CHERP: variants seen among roughly 807,000 people sequenced by gnomAD.
The protein encoded by CHERP is ERPROT 213-21.
Under a neutral mutation model 113.8 loss-of-function variants are expected in CHERP, and 8 were observed. The observed-to-expected ratio is 0.07, with a 90% CI of 0.04 to 0.13. The LOEUF is 0.13. CHERP is among the 10% of genes least tolerant of loss of function. The pLI is 1.00. For missense variants in CHERP, 884 were observed against 1,298.2 expected, an observed-to-expected ratio of 0.68 and a Z score of 4.90; for synonymous variants, 559 against 524.5, an observed-to-expected ratio of 1.07 and a Z score of -0.90.
rs978551433 is a variant in CHERP, at chr19:16,532,084, T to A, written c.674+514A>T. The A allele has an allele frequency of 6.8e-6, 1 of 147,852 alleles. No individual in the cohort carries two copies. The highest frequency in any genetic ancestry group is 2.6e-5 in the African/African-American group (1 of 38,818). The allele number at this position is 147,852 out of a possible 1,614,324, so 9.2% of individuals were successfully genotyped here. A position where few individuals can be genotyped will look rare whatever the true frequency, so the allele number is the denominator to read the frequency against. ...AACAGTGGGAAGGGTGAGGGCTGGG[T>A]GGGGACAGAGGGTCGGCAGATGTGG... On this transcript the variant is annotated intron_variant, in intron 5 of 16. Coordinates refer to ENST00000546361, the MANE Select transcript of CHERP (RefSeq NM_006387.6). The surrounding 1 kb of genome is among the most constrained non-coding windows in gnomAD (Gnocchi z 4.4).
intron 2 of CHERP, among the ~76,000 whole-genome samples, chr19:16,539,530 G>A (rs957739691): frequency 6.6e-6 from 1 of 152,040 alleles, no homozygotes; most frequent in Admixed American, 6.6e-5. Context: ...TTTTGCTTAC[G>A]ATTTCAGGCA....
At chr19:16,521,832 C>T (rs763811968) in intron 11 of CHERP, among the ~76,000 whole-genome samples, 178 bp from the exon 12 acceptor site, 5 of 152,200 alleles carry the variant, frequency 3.3e-5, no homozygotes, top group Non-Finnish European at 5.9e-5. Flanking sequence ...ACCTCAGCCA[C>T]ACCAACCATG....
chr19:16,529,938 C>A, intron 7 of CHERP, 38 bp from the exon 8 acceptor site: 1 of 1,586,834 alleles, frequency 6.3e-7, no homozygotes, highest in Non-Finnish European at 8.6e-7. Flanking sequence ...CAGTATGCGG[C>A]CTTGGGGCTC....
chr19:16,526,063 AC>A, intron 9 of CHERP: 1 of 215,484 alleles, frequency 4.6e-6, no homozygotes, highest in South Asian at 1.5e-4. Flanking sequence ...TTCTCAGGGC[AC>A]CCCAGGCACC....
Position 16,530,001 on chromosome 19 carries a change from C to T in CHERP, c.877-101G>A. The T allele has an allele frequency of 7.5e-6, 11 of 1,459,048 alleles. No homozygotes were observed. Among genetic ancestry groups the T allele is most frequent in the Middle Eastern group, 2.1e-4 (1 of 4,816 alleles). The allele number at this position is 1,459,048 out of a possible 1,614,324, so 90.4% of individuals were successfully genotyped here. ...TGGAAAGCAGCAGAGCCTGGGGGAC[C>T]TGGGGCAGGTGGACAGGGAACCGTC... On this transcript the variant is annotated intron_variant, in intron 7 of 16. Transcript: ENST00000546361. The surrounding 1 kb of genome is among the most constrained non-coding windows in gnomAD (Gnocchi z 4.1).
At chr19:16,521,706 C>A in intron 11 of CHERP, 52 bp from the exon 12 acceptor site, 1 of 1,495,576 alleles carries the variant, frequency 6.7e-7, no homozygotes, top group Non-Finnish European at 9.0e-7. Flanking sequence ...CCCTCTCAGG[C>A]CCACCCAGGG....
rs902413351 is a variant in CHERP, at chr19:16,532,414, C to G, written c.674+184G>C. 1.5e-6 allele frequency: 1 copy of G among 683,946 alleles called. No homozygotes were observed. Among genetic ancestry groups the G allele is most frequent in the African/African-American group, 1.8e-5 (1 of 55,518 alleles). 42.4% of individuals were successfully genotyped at this position (683,946 alleles called of 1,614,324 possible). On this transcript the variant is annotated intron_variant, in intron 5 of 16. Coordinates refer to ENST00000546361, the MANE Select transcript of CHERP (RefSeq NM_006387.6). The surrounding 1 kb of genome is among the most constrained non-coding windows in gnomAD (Gnocchi z 4.4). ...GCGAAGGTGCACAGGACACCTAGAC[C>G]TCGCAGTCCTGGAGACAGAAGCCTG...
At chr19:16,531,157 C>G (rs2085700508) in intron 5 of CHERP, among the ~76,000 whole-genome samples, 2 of 152,206 alleles carry the variant, frequency 1.3e-5, no homozygotes, top group Non-Finnish European at 2.9e-5. Context: ...AGGAAATAAC[C>G]TTCCCTCCTT....
In CHERP at chr19:16,528,151, C is replaced by T. The variant is rs200835595; in HGVS notation, c.1234G>A (p.Asp412Asn). 1.1e-4 allele frequency: 174 copies of T among 1,613,478 alleles called. No homozygotes were observed. The highest frequency in any genetic ancestry group is 8.9e-5 in the East Asian group (4 of 44,880). ...AAGPRGPGPH[D>N]QIPPNKPPWF... ...GGGGGCTTGTTTGGTGGGATCTGGTCGTGTGGCCCGGGGCCCCGGGGGCCG... is the reference window on the plus strand; with the variant it reads ...GGGGGCTTGTTTGGTGGGATCTGGTTGTGTGGCCCGGGGCCCCGGGGGCCG... The change falls in exon 9 of 17, where the codon GAC becomes AAC. Residue 412 changes from aspartate to asparagine, a missense_variant. Asp to Asn is a conservative substitution (Grantham distance 23). This residue lies in a region of CHERP where 464 missense variants were observed against 590.1 expected (regional missense o/e 0.79). Transcript: ENST00000546361.
rs565185225 is a variant in CHERP at position 16,537,990 on chromosome 19, C to T, written c.200-2354G>A. 3.7e-4 allele frequency among the ~76,000 whole-genome samples: 56 copies of T among 152,302 alleles called. 1 individual carries two copies. The South Asian group carries it at 0.011, about 30-fold the overall frequency. Reference sequence around the variant, plus strand: ...AGAAATGGTCCTTCACCACAGAGTTCGTGAAGCTCCATTCTACAACAGTTG... The same window carrying T: ...AGAAATGGTCCTTCACCACAGAGTTTGTGAAGCTCCATTCTACAACAGTTG... On this transcript the variant is annotated intron_variant, in intron 2 of 16. Transcript: ENST00000546361.
Position 16,530,538 on chromosome 19 carries a change from A to ACCCGC in CHERP, c.876+42_876+46dup. 2 of 1,577,048 alleles carry ACCCGC rather than the reference A, an allele frequency of 1.3e-6. No homozygotes were observed. The highest frequency in any genetic ancestry group is 3.3e-5 in the Admixed American group (2 of 59,914). ...CCACACTCCCAAACCCTCCTGGGGA[A>ACCCGC]CCCGCCCCAGCTCTAGGGTGAGGTG... On this transcript the variant is annotated intron_variant, in intron 7 of 16. Coordinates refer to ENST00000546361, the MANE Select transcript of CHERP (RefSeq NM_006387.6). This position sits in a 1 kb window ranked among gnomAD's most constrained non-coding sequence, Gnocchi z 4.1.
chr19:16,532,305 G>A lies in CHERP; in HGVS notation c.674+293C>T, dbSNP rs2085711201. The A allele has an allele frequency of 2.8e-6, 1 of 354,396 alleles. No homozygotes were observed. The highest frequency in any genetic ancestry group is 6.4e-5 in the South Asian group (1 of 15,722). The allele number at this position is 354,396 out of a possible 1,614,324, so 22.0% of individuals were successfully genotyped here. ...ACGCCAAGAAGCTGCCCCATGAGAGGAAGGAGTGCAGGGGACAGTGGCCCC... is the reference window on the plus strand; with the variant it reads ...ACGCCAAGAAGCTGCCCCATGAGAGAAAGGAGTGCAGGGGACAGTGGCCCC... On this transcript the variant is annotated intron_variant, in intron 5 of 16. Coordinates refer to ENST00000546361, the MANE Select transcript of CHERP (RefSeq NM_006387.6). The surrounding 1 kb of genome is among the most constrained non-coding windows in gnomAD (Gnocchi z 4.4).
Position 16,520,175 on chromosome 19 carries a change from C to G in CHERP, c.2436G>C (p.Arg812=), listed in dbSNP as rs1207457695. The G allele has an allele frequency of 6.2e-7, 1 of 1,612,806 alleles. No individual in the cohort carries two copies. The highest frequency in any genetic ancestry group is 1.7e-5 in the Admixed American group (1 of 60,006). Residue 812 remains arginine, a synonymous_variant, in exon 15 of 17, where the codon CGG becomes CGC. Coordinates refer to ENST00000546361, the MANE Select transcript of CHERP (RefSeq NM_006387.6). The surrounding 1 kb of genome is among the most constrained non-coding windows in gnomAD (Gnocchi z 4.0). ...SKSYSPGRRR[R]SRSRSPTPPS... The stretch of plus-strand genomic sequence containing the variant: ...GCGGGGTGGGGCTCCTGGACCGTGA[C>G]CGGCGTCTTCTTCCTGGGGAGTACG...
intron 2 of CHERP, among the ~76,000 whole-genome samples, chr19:16,536,029 C>T (rs766249446): frequency 4.6e-5 from 7 of 152,204 alleles, no homozygotes; most frequent in African/African-American, 1.4e-4. Flanking sequence ...CCGACCTCCT[C>T]GGCCACTCCC....
chr19:16,521,386 G>T, intron 12 of CHERP, 135 bp downstream of exon 12: 2 of 736,810 alleles, frequency 2.7e-6, no homozygotes, highest in Non-Finnish European at 4.3e-6. Context: ...ACACACACTT[G>T]TCACTCAGGC....
Position 16,520,754 on chromosome 19 carries a change from T to G in CHERP, c.2201+72A>C, listed in dbSNP as rs577829774. The G allele has an allele frequency of 7.0e-7, 1 of 1,427,462 alleles. No individual in the cohort carries two copies. Among genetic ancestry groups the G allele is most frequent in the Admixed American group, 1.7e-5 (1 of 59,764 alleles). 88.4% of individuals were successfully genotyped at this position (1,427,462 alleles called of 1,614,324 possible). Reference sequence around the variant, plus strand: ...TGAGGGTGGACGTGATGAGTGTATCTGGGGTCTGCTCCCACCCATCACAAG... The same window carrying G: ...TGAGGGTGGACGTGATGAGTGTATCGGGGGTCTGCTCCCACCCATCACAAG... On this transcript the variant is annotated intron_variant, in intron 13 of 16. Transcript: ENST00000546361. The surrounding 1 kb of genome is among the most constrained non-coding windows in gnomAD (Gnocchi z 4.0).
rs773829701 is a variant in CHERP at position 16,535,438 on chromosome 19, C to G, written c.384+14G>C. On this transcript the variant is annotated intron_variant, in intron 3 of 16. Transcript: ENST00000546361. This position sits in a 1 kb window ranked among gnomAD's most constrained non-coding sequence, Gnocchi z 4.3. Reference sequence around the variant, plus strand: ...AGCTGCTGGTGTCTGGCCGAGGAGGCGGCGGGCCCATACCTGTCTGAGCGC... The same window carrying G: ...AGCTGCTGGTGTCTGGCCGAGGAGGGGGCGGGCCCATACCTGTCTGAGCGC... The G allele has an allele frequency of 6.2e-7, 1 of 1,604,210 alleles. No homozygotes were observed. The highest frequency in any genetic ancestry group is 2.2e-5 in the East Asian group (1 of 44,462).
chr19:16,528,341 T>TACC (rs1444567772), intron 8 of CHERP, 86 bp from the exon 9 acceptor site: 2 of 1,353,616 alleles, frequency 1.5e-6, no homozygotes, highest in African/African-American at 2.9e-5. Context: ...CAAACCAGGC[T>TACC]ACCGCTTTTA....
rs2122258404 is a variant in CHERP at position 16,526,452 on chromosome 19, A to G, written c.1306-775T>C. 2.6e-5 allele frequency among the ~76,000 whole-genome samples: 4 copies of G among 152,284 alleles called. No individual in the cohort carries two copies. In the Middle Eastern group the frequency reaches 0.014, roughly 518 times the overall value. ...GAGAAGCCAGAGAGCCAGATATTAA[A>G]TATCAGGAACTACTTGTTTTTCTTT... On this transcript the variant is annotated intron_variant, in intron 9 of 16. Transcript: ENST00000546361.
Sources: allele counts gnomAD v4.1 joint callset (sites outside exome capture counted in the v4.1 genomes callset), GRCh38; gene constraint gnomAD v4.1.1; regional missense constraint gnomAD v4.1.1; non-coding constraint Gnocchi (gnomAD v3.1); transcripts MANE v1.5; gene names NCBI Gene and HGNC (gene_info 2026-07-23, HGNC 2026-07-21).